EEFSEC: variants seen among roughly 807,000 people sequenced by gnomAD.
EEFSEC encodes eukaryotic elongation factor, selenocysteine-tRNA specific.
Under a neutral mutation model 42.1 loss-of-function variants are expected in EEFSEC, and 43 were observed. That is an observed-to-expected ratio of 1.02 (90% CI 0.80 to 1.32). EEFSEC has a LOEUF of 1.32. Among genes scored for constraint, EEFSEC ranks in the 40% most tolerant of loss-of-function variants. The probability of loss-of-function intolerance (pLI) is 0.00; values close to 1 mark genes in which losing one functional copy is unlikely to be tolerated. For missense variants in EEFSEC, 745 were observed against 803.6 expected (o/e 0.93, Z 0.88); for synonymous variants, 354 against 339.1 (o/e 1.04, Z -0.48).
intron 4 of EEFSEC, among the ~76,000 whole-genome samples, chr3:128,279,878 AC>A (rs1205249537): frequency 6.6e-6 from 1 of 152,238 alleles, no homozygotes; most frequent in African/African-American, 2.4e-5. Context: ...ACGGGTGTTT[AC>A]CACACTGTTC....
chr3:128,246,075 G>A (rs913784714), intron 1 of EEFSEC, among the ~76,000 whole-genome samples: 2 of 152,112 alleles, frequency 1.3e-5, no homozygotes, highest in Non-Finnish European at 2.9e-5. Flanking sequence ...TCCAAATCCC[G>A]TTAAAAAGGA....
At chr3:128,410,103 G>A (rs1056658866), downstream of EEFSEC, among the ~76,000 whole-genome samples, 1 of 152,168 alleles carries the variant, frequency 6.6e-6, no homozygotes, top group Admixed American at 6.5e-5. Context: ...CTGAGCACTT[G>A]CCAGTGCTGT....
In EEFSEC at chr3:128,183,051, G is replaced by A. The variant is rs906620121; in HGVS notation, c.316+29228G>A. 5.9e-5 allele frequency among the ~76,000 whole-genome samples: 9 copies of A among 152,274 alleles called. No individual in the cohort carries two copies. The East Asian group carries it at 1.5e-3, about 26-fold the overall frequency. On this transcript the variant is annotated intron_variant, in intron 1 of 6. Transcript: ENST00000254730. The stretch of plus-strand genomic sequence containing the variant: ...GAATTCTAGTTTTACCATTTTACTA[G>A]CTGAATGATCTTTGTCAACTTATTT...
the EEFSEC span, among the ~76,000 whole-genome samples, chr3:128,422,567 C>T: frequency 1.3e-5 from 2 of 152,218 alleles, no homozygotes; most frequent in South Asian, 4.1e-4. Context: ...AACTCGTTCT[C>T]ACTCCTCGGG....
At chr3:128,177,051 C>T (rs759983052) in intron 1 of EEFSEC, among the ~76,000 whole-genome samples, 8 of 151,568 alleles carry the variant, frequency 5.3e-5, no homozygotes, top group African/African-American at 1.9e-4. Flanking sequence ...GGCTGGAGTG[C>T]GGTAGCATGA....
intron 4 of EEFSEC, among the ~76,000 whole-genome samples, chr3:128,308,586 C>G (rs2066856982): frequency 6.6e-6 from 1 of 152,192 alleles, no homozygotes; most frequent in Non-Finnish European, 1.5e-5. Context: ...ACCCCTCATG[C>G]CAATAGCTTT....
chr3:128,358,397 GT>G (rs1356101851), intron 6 of EEFSEC, 24 bp downstream of exon 6: 2 of 1,613,224 alleles, frequency 1.2e-6, no homozygotes, highest in African/African-American at 2.7e-5. Flanking sequence ...CTTCCTCCCG[GT>G]TTAGGGACAC....
At chr3:128,157,624 C>T (rs763588813) in intron 1 of EEFSEC, among the ~76,000 whole-genome samples, 9 of 152,212 alleles carry the variant, frequency 5.9e-5, no homozygotes, top group Non-Finnish European at 1.0e-4. Flanking sequence ...TGGCACAACG[C>T]AGCCTGGATG....
intron 4 of EEFSEC, among the ~76,000 whole-genome samples, chr3:128,267,688 G>A (rs2066369058): frequency 6.6e-6 from 1 of 152,230 alleles, no homozygotes; most frequent in African/African-American, 2.4e-5. Flanking sequence ...ATTCACTGCT[G>A]AGAAAGCATA....
At chr3:128,400,477 A>C (rs1349830548) in intron 6 of EEFSEC, among the ~76,000 whole-genome samples, 1 of 152,162 alleles carries the variant, frequency 6.6e-6, no homozygotes, top group African/African-American at 2.4e-5. Flanking sequence ...GCTGTCAGTC[A>C]TCACCAGGAT....
At chr3:128,230,151 C>A (rs1179247579) in intron 1 of EEFSEC, among the ~76,000 whole-genome samples, 1 of 111,792 alleles carries the variant, frequency 8.9e-6, no homozygotes, top group Non-Finnish European at 1.8e-5. Context: ...CCTTCCTTTT[C>A]TTTATTTTCT....
At chr3:128,390,067 A>G (rs2067889397) in intron 6 of EEFSEC, among the ~76,000 whole-genome samples, 1 of 152,232 alleles carries the variant, frequency 6.6e-6, no homozygotes, top group African/African-American at 2.4e-5. Context: ...CGCTGGCCCT[A>G]AATTTTTCTC....
intron 6 of EEFSEC, among the ~76,000 whole-genome samples, chr3:128,400,257 T>C (rs1334692132): frequency 1.3e-5 from 2 of 152,186 alleles, no homozygotes; most frequent in Admixed American, 6.5e-5. Context: ...GAACTTGACA[T>C]TGGAGCCCAC....
intron 4 of EEFSEC, among the ~76,000 whole-genome samples, chr3:128,301,442 G>A (rs754474601): frequency 2.0e-5 from 3 of 152,170 alleles, no homozygotes; most frequent in Non-Finnish European, 4.4e-5. Flanking sequence ...CACAGGGTGG[G>A]CTGCAGAACT....
intron 1 of EEFSEC, among the ~76,000 whole-genome samples, chr3:128,233,165 C>T (rs1178423833): frequency 1.3e-5 from 2 of 152,198 alleles, no homozygotes; most frequent in Non-Finnish European, 2.9e-5. Flanking sequence ...GACCCCTTTT[C>T]GGCAGAGTGA....
intron 4 of EEFSEC, among the ~76,000 whole-genome samples, chr3:128,291,778 C>T (rs1021360579): frequency 6.6e-6 from 1 of 152,034 alleles, no homozygotes; most frequent in Admixed American, 6.5e-5. Flanking sequence ...TGCCTTTTTT[C>T]CCCCTAGCTT....
In EEFSEC at chr3:128,196,469, T is replaced by C. The variant is rs549273452; in HGVS notation, c.316+42646T>C. 4.6e-5 allele frequency among the ~76,000 whole-genome samples: 7 copies of C among 152,332 alleles called. No individual in the cohort carries two copies. In the East Asian group the frequency reaches 1.4e-3, roughly 29 times the overall value. On this transcript the variant is annotated intron_variant, in intron 1 of 6. Coordinates refer to ENST00000254730, the MANE Select transcript of EEFSEC (RefSeq NM_021937.5). ...GATTATAAAACTAATACAGACCTAT[T>C]TTAGAAACTTTGGGTAATAACAGTA...
intron 1 of EEFSEC, among the ~76,000 whole-genome samples, chr3:128,155,712 A>G (rs977111308): frequency 6.6e-6 from 1 of 152,188 alleles, no homozygotes; most frequent in African/African-American, 2.4e-5. Flanking sequence ...CTCATTGGTC[A>G]CTGGGCATTC....
At chr3:128,323,278 G>A (rs1167898271) in intron 4 of EEFSEC, among the ~76,000 whole-genome samples, 7 of 152,180 alleles carry the variant, frequency 4.6e-5, no homozygotes, top group Admixed American at 4.6e-4. Flanking sequence ...AATGGGAACT[G>A]CTGGCAGAAG....
Sources: gnomAD v4.1 joint callset for allele counts (sites outside exome capture counted in the v4.1 genomes callset) on GRCh38, gnomAD v4.1.1 for gene constraint, MANE v1.5 for transcripts, NCBI Gene and HGNC (gene_info 2026-07-23, HGNC 2026-07-21) for gene names.